PLET1: variants seen among roughly 807,000 people sequenced by gnomAD.
PLET1 encodes placenta-expressed transcript 1 protein.
In PLET1, 20 loss-of-function variants were observed where a neutral mutation model predicts 18.5. The ratio of observed to expected loss-of-function variants is 1.08; its 90% confidence interval spans 0.76 to 1.57. The LOEUF (loss-of-function observed/expected upper bound fraction) is 1.57. PLET1 is among the 40% of genes most tolerant of loss of function. The probability of loss-of-function intolerance (pLI) is 0.00; values close to 1 mark genes in which losing one functional copy is unlikely to be tolerated. For missense variants in PLET1, 256 were observed against 246.4 expected, an observed-to-expected ratio of 1.04 and a Z score of -0.26; for synonymous variants, 93 against 93.8, an observed-to-expected ratio of 0.99 and a Z score of 0.05.
chr11:112,255,472 T>C lies in PLET1; in HGVS notation c.302A>G (p.Tyr101Cys). 1 of 1,552,228 alleles carries C rather than the reference T, an allele frequency of 6.4e-7. No individual in the cohort carries two copies. The highest frequency in any genetic ancestry group is 2.0e-5 in the Admixed American group (1 of 51,002). ...ADKNCYSNSTYYVKDQYMTVL... is the reference protein window; with the variant it reads ...ADKNCYSNSTCYVKDQYMTVL... Reference sequence around the variant, plus strand: ...CGTCATGTATTGATCTTTCACGTAATACGTGGAGTTGCTGTAGCAATTTTT... The same window carrying C: ...CGTCATGTATTGATCTTTCACGTAACACGTGGAGTTGCTGTAGCAATTTTT... The change falls in exon 2 of 4, where the codon TAT becomes TGT. Residue 101 changes from tyrosine to cysteine, a missense_variant. Tyr to Cys is a radical substitution (Grantham distance 194, BLOSUM62 -2). Transcript: ENST00000338832.
rs1860276904 is a variant in PLET1 at position 112,260,463 on chromosome 11, T to C, written c.127A>G (p.Ile43Val). Residue 43 changes from isoleucine to valine, a missense_variant, in exon 1 of 4, where the codon ATA becomes GTA. Physicochemically the swap from Ile to Val is conservative, Grantham distance 29. Coordinates refer to ENST00000338832, the MANE Select transcript of PLET1 (RefSeq NM_001145024.1). ...GAACTGGCCTTGATGTCTAGGGTTA[T>C]GGTGTAGTATTCATCAAAGGTGAAG... Reference protein sequence around the residue: ...TCFTFDEYYTITLDIKASSHI... With the variant: ...TCFTFDEYYTVTLDIKASSHI... The C allele has an allele frequency of 6.4e-7, 1 of 1,551,868 alleles. No homozygotes were observed. Among genetic ancestry groups the C allele is most frequent in the Non-Finnish European group, 8.7e-7 (1 of 1,146,994 alleles).
At chr11:112,251,492 G>C (rs1448779745) in intron 3 of PLET1, among the ~76,000 whole-genome samples, 3 of 152,160 alleles carry the variant, frequency 2.0e-5, no homozygotes, top group Non-Finnish European at 4.4e-5. Flanking sequence ...GCTGAGGCAG[G>C]AGAACCCGGG....
At chr11:112,256,519 C>T (rs1411417985) in intron 1 of PLET1, among the ~76,000 whole-genome samples, 1 of 152,164 alleles carries the variant, frequency 6.6e-6, no homozygotes, top group Non-Finnish European at 1.5e-5. Context: ...TCTTGCATGC[C>T]CGCTTTGCAC....
chr11:112,252,960 T>A (rs914464622), intron 2 of PLET1, among the ~76,000 whole-genome samples: 1 of 152,190 alleles, frequency 6.6e-6, no homozygotes, highest in Non-Finnish European at 1.5e-5. Context: ...GAGTCCCTTG[T>A]TCATACATGT....
At chr11:112,252,546 A>G in intron 2 of PLET1, 137 bp from the exon 3 acceptor site, 1 of 731,032 alleles carries the variant, frequency 1.4e-6, no homozygotes, top group South Asian at 1.7e-5. Context: ...GCAGATCATT[A>G]AATACTGGTC....
intron 1 of PLET1, among the ~76,000 whole-genome samples, chr11:112,260,056 A>G (rs553774832): frequency 4.5e-4 from 68 of 152,078 alleles, no homozygotes; most frequent in Non-Finnish European, 8.5e-4. Context: ...CAAAAACAAA[A>G]AGAGAAAAGA....
chr11:112,251,682 G>C (rs1860157275), intron 3 of PLET1, among the ~76,000 whole-genome samples: 1 of 150,922 alleles, frequency 6.6e-6, no homozygotes, highest in South Asian at 2.2e-4. Flanking sequence ...AAAGTGTTGG[G>C]ATTACAGGTG....
At chr11:112,254,190 G>GTGT (rs144110459) in intron 2 of PLET1, among the ~76,000 whole-genome samples, 4 of 141,174 alleles carry the variant, frequency 2.8e-5, no homozygotes, top group African/African-American at 8.2e-5. Flanking sequence ...GAGCATAAGT[G>GTGT]GTGTGTGTGT....
At chr11:112,249,997 AGG>A (rs1239456789) in intron 3 of PLET1, among the ~76,000 whole-genome samples, 3 of 149,624 alleles carry the variant, frequency 2.0e-5, no homozygotes, top group Admixed American at 2.0e-4. Context: ...AAAAGGAAGA[AGG>A]GGAATGTCCA....
Position 112,260,532 on chromosome 11 carries a change from G to C in PLET1, c.58C>G (p.Leu20Val), listed in dbSNP as rs116883740. The change falls in exon 1 of 4, where the codon CTG becomes GTG. Residue 20 changes from leucine to valine, a missense_variant. Transcript: ENST00000338832. ...QPLGMFLCLS[L>V]QLSSATFIRY... ...ATAAAGGTGGCAGAAGAAAGCTGCA[G>C]ACTGAGGCACAGAAACATCCCCAGT... The C allele has an allele frequency of 0.02, 31,285 of 1,551,666 alleles. 414 individuals are homozygous for C. Among genetic ancestry groups the C allele is most frequent in the South Asian group, 0.038 (3,191 of 84,060 alleles).
intron 2 of PLET1, 127 bp from the exon 3 acceptor site, chr11:112,252,536 G>T (rs955584154): frequency 3.8e-6 from 3 of 783,354 alleles, no homozygotes; most frequent in Non-Finnish European, 4.2e-6. Flanking sequence ...GGCACAATGA[G>T]CAGATCATTA....
chr11:112,251,927 C>T (rs1316637164), intron 3 of PLET1, among the ~76,000 whole-genome samples: 1 of 152,200 alleles, frequency 6.6e-6, no homozygotes, highest in African/African-American at 2.4e-5. Flanking sequence ...TGTGCAACTC[C>T]CCAGCCTCCA....
At chr11:112,250,220 C>CTTTTTTTT (rs33963716) in intron 3 of PLET1, among the ~76,000 whole-genome samples, 15 of 49,868 alleles carry the variant, frequency 3.0e-4, no homozygotes, top group African/African-American at 8.5e-4. Flanking sequence ...AGAAACAAAC[C>CTTTTTTTT]TTTTTTTTTT....
rs1244046254 is a variant in PLET1, at chr11:112,252,370, A to G, written c.426T>C (p.Ser142=). 2.6e-6 allele frequency: 4 copies of G among 1,551,364 alleles called. No homozygotes were observed. Among genetic ancestry groups the G allele is most frequent in the South Asian group, 2.4e-5 (2 of 84,068 alleles). Residue 142 remains serine (S), a synonymous_variant, in exon 3 of 4, where the codon TCT becomes TCC. Transcript: ENST00000338832. ...CACGTTTTTCTCTTAGCTTCAGAGT[A>G]GAAAGTATAGGCAGCGCTCTGATCT... The part of the protein sequence containing the change: ...TVQIRALPIL[S]TLKLREKLST...
chr11:112,249,772 C>T (rs1412851230), intron 3 of PLET1, among the ~76,000 whole-genome samples: 1 of 151,854 alleles, frequency 6.6e-6, no homozygotes, highest in African/African-American at 2.4e-5. Context: ...GCCTGGCCAA[C>T]ATGGTGAAAC....
At chr11:112,259,173 C>T (rs933997631) in intron 1 of PLET1, among the ~76,000 whole-genome samples, 3 of 152,160 alleles carry the variant, frequency 2.0e-5, no homozygotes, top group Non-Finnish European at 4.4e-5. Flanking sequence ...CTAAAACATG[C>T]CCAGCACATC....
chr11:112,252,819 G>A (rs1217912051), intron 2 of PLET1, among the ~76,000 whole-genome samples: 5 of 152,202 alleles, frequency 3.3e-5, no homozygotes. Flanking sequence ...CTTGCTAGGA[G>A]CCTCTGTCCC....
At chr11:112,251,241 A>G (rs1294836062) in intron 3 of PLET1, among the ~76,000 whole-genome samples, 1 of 151,400 alleles carries the variant, frequency 6.6e-6, no homozygotes, top group Non-Finnish European at 1.5e-5. Flanking sequence ...TAGACAAGTT[A>G]CCTATTTTTC....
At chr11:112,254,178 T>C (rs1382299501) in intron 2 of PLET1, among the ~76,000 whole-genome samples, 3 of 146,764 alleles carry the variant, frequency 2.0e-5, no homozygotes, top group Non-Finnish European at 4.5e-5. Context: ...TCTGAGGATG[T>C]TGAGCATAAG....
Sources: gnomAD v4.1 joint callset for allele counts (sites outside exome capture counted in the v4.1 genomes callset) on GRCh38, gnomAD v4.1.1 for gene constraint, MANE v1.5 for transcripts, NCBI Gene and HGNC (gene_info 2026-07-23, HGNC 2026-07-21) for gene names.